SRPK1: variants seen among roughly 807,000 people sequenced by gnomAD.
The protein encoded by SRPK1 is SFRS protein kinase 1.
A neutral mutation model predicts 89.5 loss-of-function variants in SRPK1; 52 were observed. That is an observed-to-expected ratio of 0.58 (90% CI 0.46 to 0.73). SRPK1 has a LOEUF of 0.73. Ranked by LOEUF, SRPK1 falls within the 30% of genes least tolerant of loss-of-function variation. The pLI is 0.00. For synonymous variants in SRPK1, 255 were observed against 270.2 expected (o/e 0.94, Z 0.55); for missense variants, 603 against 780.6 (o/e 0.77, Z 2.71).
chr6:35,878,519 T>C (rs780415588), intron 6 of SRPK1, among the ~76,000 whole-genome samples: 1 of 152,192 alleles, frequency 6.6e-6, no homozygotes, highest in Non-Finnish European at 1.5e-5. Flanking sequence ...ATAATAATTA[T>C]TGTAAATGTT....
At chr6:35,873,909 C>G (rs759974595) in intron 7 of SRPK1, among the ~76,000 whole-genome samples, 131 of 151,218 alleles carry the variant, frequency 8.7e-4, no homozygotes, top group Non-Finnish European at 1.8e-3. Context: ...TCACCGCAAG[C>G]TCCGCCTCCT....
At chr6:35,871,494 C>G (rs994355040) in intron 8 of SRPK1, among the ~76,000 whole-genome samples, 1 of 152,208 alleles carries the variant, frequency 6.6e-6, no homozygotes, top group Non-Finnish European at 1.5e-5. Context: ...AGTGTACATT[C>G]AGTGGTTTTA....
intron 2 of SRPK1, among the ~76,000 whole-genome samples, chr6:35,902,805 A>G (rs1770771683): frequency 1.3e-5 from 2 of 152,224 alleles, no homozygotes; most frequent in African/African-American, 4.8e-5. Flanking sequence ...TCTTCTTTCT[A>G]GTAAAGAAAA....
chr6:35,852,038 A>G (rs1318951458), intron 13 of SRPK1, among the ~76,000 whole-genome samples: 4 of 152,318 alleles, frequency 2.6e-5, no homozygotes, highest in Non-Finnish European at 4.4e-5. Flanking sequence ...GATCTAGGGC[A>G]CCCTGGCTGG....
intron 15 of SRPK1, 91 bp from the exon 16 acceptor site, chr6:35,835,579 T>G: frequency 8.5e-7 from 1 of 1,171,066 alleles, no homozygotes; most frequent in Non-Finnish European, 1.1e-6. Context: ...ACCCATGTAG[T>G]CTATGAGGAA....
At chr6:35,911,566 TATTA>T (rs1770959800) in intron 2 of SRPK1, among the ~76,000 whole-genome samples, 2 of 152,002 alleles carry the variant, frequency 1.3e-5, no homozygotes, top group South Asian at 4.2e-4. Context: ...CTGATTAGTT[TATTA>T]ATTAATTTTT....
intron 2 of SRPK1, among the ~76,000 whole-genome samples, chr6:35,899,273 T>C (rs1436801630): frequency 1.3e-5 from 2 of 152,228 alleles, no homozygotes; most frequent in Admixed American, 6.5e-5. Flanking sequence ...TGTCTCTTCA[T>C]TGCCCCCTCC....
At chr6:35,843,575 G>A (rs548619120) in intron 13 of SRPK1, among the ~76,000 whole-genome samples, 5 of 150,230 alleles carry the variant, frequency 3.3e-5, no homozygotes, top group Non-Finnish European at 5.9e-5. Flanking sequence ...CTCAGCCTCC[G>A]GAGTAGCTGG....
Position 35,833,215 on chromosome 6 carries a change from A to G in SRPK1, c.*2089T>C, listed in dbSNP as rs1377357945. 2 of 152,666 alleles carry G rather than the reference A, an allele frequency of 1.3e-5. No individual in the cohort carries two copies. Among genetic ancestry groups the G allele is most frequent in the African/African-American group, 4.8e-5 (2 of 41,472 alleles). 9.5% of individuals were successfully genotyped at this position (152,666 alleles called of 1,614,324 possible). A position where few individuals can be genotyped will look rare whatever the true frequency, so the allele number is the denominator to read the frequency against. The stretch of plus-strand genomic sequence containing the variant: ...TAAGCTCAATAAAGGTACATGGGGT[A>G]CCTGGAAGATCAAGATCTACAGCTG... On this transcript the variant is annotated 3_prime_UTR_variant, in exon 16 of 16. Coordinates refer to ENST00000373825, the MANE Select transcript of SRPK1 (RefSeq NM_003137.5).
intron 12 of SRPK1, among the ~76,000 whole-genome samples, chr6:35,868,463 A>C (rs1158622632): frequency 6.6e-6 from 1 of 152,224 alleles, no homozygotes; most frequent in African/African-American, 2.4e-5. Flanking sequence ...GACATGTCCT[A>C]AGAAAAACTA....
chr6:35,869,215 A>G, intron 11 of SRPK1, 105 bp from the exon 12 acceptor site: 1 of 992,016 alleles, frequency 1.0e-6, no homozygotes, highest in Non-Finnish European at 1.5e-6. Context: ...GCAATACCCA[A>G]GTGACAACTT....
chr6:35,870,404 CAATT>C lies in SRPK1; in HGVS notation c.864_867del (p.Ile289ArgfsTer28). ...GGGCCCGACTCTTTCTCCATTTCCTCAATTTCCTGCATTCGCTTCTCTAGTAATT... is the reference window on the plus strand; with the variant it reads ...GGGCCCGACTCTTTCTCCATTTCCTCTCCTGCATTCGCTTCTCTAGTAATT... On this transcript the variant is annotated frameshift_variant, in exon 10 of 16. Transcript: ENST00000373825. LOFTEE classifies it high-confidence loss of function. 1 of 1,584,110 alleles carries C rather than the reference CAATT, an allele frequency of 6.3e-7. No individual in the cohort carries two copies. Among genetic ancestry groups the C allele is most frequent in the Non-Finnish European group, 8.6e-7 (1 of 1,163,488 alleles).
chr6:35,837,563 C>CT (rs1157405215), intron 15 of SRPK1, among the ~76,000 whole-genome samples: 37 of 150,848 alleles, frequency 2.5e-4, no homozygotes, highest in Admixed American at 1.3e-3. Context: ...AGTCTCTGCT[C>CT]TTTTTTTTCC....
chr6:35,915,997 T>TATATATACAC lies in SRPK1; in HGVS notation c.74+4470_74+4471insGTGTATATAT, dbSNP rs1284737691. On this transcript the variant is annotated intron_variant, in intron 2 of 15. Transcript: ENST00000373825. Reference sequence around the variant, plus strand: ...AAAAACAAAAAAAAAAAAAAATATATACACACACACACACACACACACACA... The same window carrying TATATATACAC: ...AAAAACAAAAAAAAAAAAAAATATATATATATACACACACACACACACACACACACACACA... Among the ~76,000 whole-genome samples the TATATATACAC allele has an allele frequency of 3.5e-4, 32 of 90,200 alleles. 2 individuals carry two copies. The highest frequency in any genetic ancestry group is 1.6e-3 in the African/African-American group (29 of 17,700). 59.2% of individuals were successfully genotyped at this position (90,200 alleles called of 152,430 possible). A position where few individuals can be genotyped will look rare whatever the true frequency, so the allele number is the denominator to read the frequency against.
At chr6:35,846,594 A>C (rs2151080450) in intron 13 of SRPK1, among the ~76,000 whole-genome samples, 1 of 152,104 alleles carries the variant, frequency 6.6e-6, no homozygotes, top group South Asian at 2.1e-4. Flanking sequence ...AGAAATGAAG[A>C]AATGAAAGAG....
In SRPK1 at chr6:35,874,399, G is replaced by A; in HGVS notation, c.479-60C>T. 5 of 1,117,448 alleles carry A rather than the reference G, an allele frequency of 4.5e-6. No homozygotes were observed. The South Asian group carries it at 5.2e-5, about 12-fold the overall frequency. The allele number at this position is 1,117,448 out of a possible 1,614,324, so 69.2% of individuals were successfully genotyped here. A position where few individuals can be genotyped will look rare whatever the true frequency, so the allele number is the denominator to read the frequency against. ...AAAGAAGAACACGGCAAGACAAGCT[G>A]TGAATTCCACCCTATTAAATGTTAT... On this transcript the variant is annotated intron_variant, in intron 6 of 15. Transcript: ENST00000373825.
intron 13 of SRPK1, among the ~76,000 whole-genome samples, chr6:35,845,204 G>A (rs1769400652): frequency 2.0e-5 from 3 of 152,156 alleles, no homozygotes; most frequent in Admixed American, 2.0e-4. Flanking sequence ...AATAATGATA[G>A]ATACATTTGT....
chr6:35,846,601 AGAG>A (rs1769432041), intron 13 of SRPK1, among the ~76,000 whole-genome samples: 1 of 152,042 alleles, frequency 6.6e-6, no homozygotes, highest in African/African-American at 2.4e-5. Flanking sequence ...AAGAAATGAA[AGAG>A]GAGACATTAT....
chr6:35,866,343 T>C (rs371888400), intron 12 of SRPK1, among the ~76,000 whole-genome samples: 24 of 152,258 alleles, frequency 1.6e-4, no homozygotes, highest in African/African-American at 5.5e-4. Flanking sequence ...CCCAGCACTT[T>C]GGGAGGCCGA....
Sources: gnomAD v4.1 joint callset for allele counts (sites outside exome capture counted in the v4.1 genomes callset) on GRCh38, gnomAD v4.1.1 for gene constraint, MANE v1.5 for transcripts, NCBI Gene and HGNC (gene_info 2026-07-23, HGNC 2026-07-21) for gene names.